IFNL2: variants seen among roughly 807,000 people sequenced by gnomAD.
The protein encoded by IFNL2 is interferon lambda-2.
A neutral mutation model predicts 18.7 loss-of-function variants in IFNL2; 17 were observed. The ratio of observed to expected loss-of-function variants is 0.91; its 90% CI spans 0.62 to 1.36. IFNL2 has a LOEUF of 1.36. Ranked by LOEUF, IFNL2 falls within the 40% of genes most tolerant of loss-of-function variation. The pLI, the probability that IFNL2 is intolerant of heterozygous loss-of-function variation, is 0.00. For missense variants in IFNL2, 225 were observed against 257.3 expected (o/e 0.87, Z 0.86); for synonymous variants, 96 against 113.4 (o/e 0.85, Z 0.98).
In IFNL2 at chr19:39,269,808, A is replaced by G. The variant is rs1600466823; in HGVS notation, c.491A>G (p.Glu164Gly). The change falls in exon 5 of 6, where the codon GAG (glutamate) becomes GGG (glycine). Residue 164 changes from glutamate (E) to glycine (G), a missense_variant. By Grantham distance (98) the Glu-to-Gly change is moderately conservative. Coordinates refer to ENST00000331982, the MANE Select transcript of IFNL2 (RefSeq NM_172138.2). ...RLHHWLYRLQ[E>G]APKKESPGCL... is the part of the protein sequence containing the mutation. ...CACCATTGGCTGTACCGGCTCCAGG[A>G]GGCCCCAAAAAAGGTGAGTGACCCG... 6.2e-7 allele frequency: 1 copy of G among 1,608,574 alleles called. No individual in the cohort carries two copies. Among genetic ancestry groups the G allele is most frequent in the African/African-American group, 1.3e-5 (1 of 74,796 alleles).
rs1389267585 is a variant in IFNL2, at chr19:39,269,952, A to G, written c.542A>G (p.Asn181Ser). The G allele has an allele frequency of 4.4e-6, 7 of 1,603,602 alleles. No individual in the cohort carries two copies. The highest frequency in any genetic ancestry group is 5.1e-6 in the Non-Finnish European group (6 of 1,175,042). Reference protein sequence around the residue: ...PGCLEASVTFNLFRLLTRDLN... With the variant: ...PGCLEASVTFSLFRLLTRDLN... ...TGCCTCGAGGCCTCTGTCACCTTCA[A>G]CCTCTTCCGCCTCCTCACGCGAGAC... Residue 181 changes from asparagine (N) to serine (S), a missense_variant, in exon 6 of 6, where the codon AAC (asparagine) becomes AGC (serine). Transcript: ENST00000331982.
intron 4 of IFNL2, 23 bp downstream of exon 4, chr19:39,269,660 C>T (rs371511696): frequency 3.3e-5 from 53 of 1,612,782 alleles, no homozygotes; most frequent in Non-Finnish European, 4.2e-5. Context: ...GGCCTGGGCA[C>T]CCAGGTCTGT....
At position 39,269,762 on chromosome 19, in the gene IFNL2, C is replaced by T. The variant is rs754826341; in HGVS notation, c.445C>T (p.Pro149Ser). 22 of 1,609,254 alleles carry T rather than the reference C, an allele frequency of 1.4e-5. No individual in the cohort carries two copies. In the East Asian group the frequency reaches 4.5e-4, roughly 33 times the overall value. ...ACIQPQPTAG[P>S]RTRGRLHHWL... ...GATCCAGCCTCAGCCCACGGCAGGG[C>T]CCAGGACCCGGGGCCGCCTCCACCA... Residue 149 changes from proline to serine, a missense_variant, in exon 5 of 6, where the codon CCC becomes TCC. Physicochemically the swap from Pro to Ser is moderately conservative, Grantham distance 74. Coordinates refer to ENST00000331982, the MANE Select transcript of IFNL2 (RefSeq NM_172138.2).
At position 39,270,048 on chromosome 19, in the gene IFNL2, T is replaced by A. The variant is rs527769982; in HGVS notation, c.*35T>A. On this transcript the variant is annotated 3_prime_UTR_variant, in exon 6 of 6. Transcript: ENST00000331982. ...CAGTCATGCAACCTGAGATTTTATTTATAAATTAGCCACTTGTCTTAATTT... is the reference window on the plus strand; with the variant it reads ...CAGTCATGCAACCTGAGATTTTATTAATAAATTAGCCACTTGTCTTAATTT... 3.9e-5 allele frequency: 60 copies of A among 1,553,194 alleles called. No homozygotes were observed. The highest frequency in any genetic ancestry group is 1.1e-5 in the Non-Finnish European group (13 of 1,147,060).
At position 39,269,234 on chromosome 19, in the gene IFNL2, GA is replaced by G. The variant is rs766039199; in HGVS notation, c.270+6del. Reference sequence around the variant, plus strand: ...TGGGACCTGAGGCAGCTGCAGGTGAGAGGGGGAGTCAGGCCCACCCCTGCTC... The same window carrying G: ...TGGGACCTGAGGCAGCTGCAGGTGAGGGGGGAGTCAGGCCCACCCCTGCTC... On this transcript the variant is annotated splice_donor_region_variant and intron_variant, in intron 3 of 5. Transcript: ENST00000331982. 3.7e-6 allele frequency: 6 copies of G among 1,608,186 alleles called. No individual in the cohort carries two copies. Among genetic ancestry groups the G allele is most frequent in the Non-Finnish European group, 5.1e-6 (6 of 1,177,554 alleles).
In IFNL2 at chr19:39,268,757, C is replaced by T. The variant is rs1442542171; in HGVS notation, c.91C>T (p.Leu31Phe). The change falls in exon 2 of 6, where the codon CTC (leucine) becomes TTC (phenylalanine). Residue 31 changes from leucine to phenylalanine, a missense_variant. By Grantham distance (22) the Leu-to-Phe change is conservative. Transcript: ENST00000331982. ...TVTGAVPVAR[L>F]HGALPDARGC... ...GACTGGAGCAGTTCCTGTCGCCAGG[C>T]TCCACGGGGCTCTCCCGGATGCAAG... 12 of 1,613,244 alleles carry T rather than the reference C, an allele frequency of 7.4e-6. No individual in the cohort carries two copies. Among genetic ancestry groups the T allele is most frequent in the Non-Finnish European group, 1.0e-5 (12 of 1,179,868 alleles).
Position 39,270,020 on chromosome 19 carries a change from C to A in IFNL2, c.*7C>A. 1 of 1,584,078 alleles carries A rather than the reference C, an allele frequency of 6.3e-7. No homozygotes were observed. The highest frequency in any genetic ancestry group is 2.3e-5 in the East Asian group (1 of 43,410). On this transcript the variant is annotated 3_prime_UTR_variant, in exon 6 of 6. Coordinates refer to ENST00000331982, the MANE Select transcript of IFNL2 (RefSeq NM_172138.2). ...TGGGGACCTGTGTGTCTGACCCTCC[C>A]ACCAGTCATGCAACCTGAGATTTTA...
At chr19:39,269,028 G>C (rs972987698) in intron 2 of IFNL2, 124 bp from the exon 3 acceptor site, 227 of 1,349,318 alleles carry the variant, frequency 1.7e-4, no homozygotes, top group Non-Finnish European at 2.0e-4. Flanking sequence ...TGTAGAAGAG[G>C]GTCCTCTACC....
chr19:39,268,794 T>A lies in IFNL2; in HGVS notation c.128T>A (p.Ile43Lys), dbSNP rs369387979. 9.0e-5 allele frequency: 146 copies of A among 1,613,774 alleles called. No individual in the cohort carries two copies. The highest frequency in any genetic ancestry group is 1.2e-4 in the Non-Finnish European group (138 of 1,179,852). The stretch of plus-strand genomic sequence containing the variant: ...CTCCCGGATGCAAGGGGCTGCCACA[T>A]AGCCCAGTTCAAGTCCCTGTCTCCA... ...GALPDARGCH[I>K]AQFKSLSPQE... is the part of the protein sequence containing the mutation. Residue 43 changes from isoleucine (I) to lysine (K), a missense_variant, in exon 2 of 6, where the codon ATA becomes AAA. Transcript: ENST00000331982.
In IFNL2 at chr19:39,270,085, G is replaced by T; in HGVS notation, c.*72G>T. The stretch of plus-strand genomic sequence containing the variant: ...ACTTGTCTTAATTTATTGCCACCCA[G>T]TCGCTATTTATGTATTTGTGTGTGT... On this transcript the variant is annotated 3_prime_UTR_variant, in exon 6 of 6. Coordinates refer to ENST00000331982, the MANE Select transcript of IFNL2 (RefSeq NM_172138.2). The T allele has an allele frequency of 6.7e-7, 1 of 1,492,056 alleles. No homozygotes were observed. The highest frequency in any genetic ancestry group is 9.1e-7 in the Non-Finnish European group (1 of 1,094,728). The allele number at this position is 1,492,056 out of a possible 1,614,324, so 92.4% of individuals were successfully genotyped here.
rs200081180 is a variant in IFNL2 at position 39,269,500 on chromosome 19, C to T, written c.283C>T (p.Pro95Ser). ...DLRQLQVRER[P>S]MALEAELALT... is the part of the protein sequence containing the mutation. ...CACCTCTCCTCAGGTGAGGGAGCGC[C>T]CCATGGCTTTGGAGGCTGAGCTGGC... The change falls in exon 4 of 6, where the codon CCC (proline) becomes TCC (serine). Residue 95 changes from proline to serine, a missense_variant. Physicochemically the swap from Pro to Ser is moderately conservative, Grantham distance 74. Coordinates refer to ENST00000331982, the MANE Select transcript of IFNL2 (RefSeq NM_172138.2). 1.2e-6 allele frequency: 2 copies of T among 1,614,214 alleles called. No individual in the cohort carries two copies. Among genetic ancestry groups the T allele is most frequent in the Non-Finnish European group, 1.7e-6 (2 of 1,180,046 alleles).
chr19:39,269,559 C>T lies in IFNL2; in HGVS notation c.342C>T (p.Asp114=), dbSNP rs1343921412. Residue 114 remains aspartate, a synonymous_variant, in exon 4 of 6, where the codon GAC becomes GAT. Coordinates refer to ENST00000331982, the MANE Select transcript of IFNL2 (RefSeq NM_172138.2). ...TGAAGGTTCTGGAGGCCACCGCTGACACTGACCCAGCCCTGGTGGACGTCT... is the reference window on the plus strand; with the variant it reads ...TGAAGGTTCTGGAGGCCACCGCTGATACTGACCCAGCCCTGGTGGACGTCT... ...LTLKVLEATA[D]TDPALVDVLD... is the part of the protein sequence containing the mutation. 4 of 1,614,112 alleles carry T rather than the reference C, an allele frequency of 2.5e-6. No individual in the cohort carries two copies. Among genetic ancestry groups the T allele is most frequent in the Admixed American group, 1.7e-5 (1 of 60,010 alleles).
At chr19:39,268,885 T>C (rs1379944994) in intron 2 of IFNL2, 27 bp downstream of exon 2, 4 of 1,597,502 alleles carry the variant, frequency 2.5e-6, no homozygotes, top group Non-Finnish European at 2.6e-6. Flanking sequence ...CCTCCTGCCA[T>C]GGACTAGCCT....
In IFNL2 at chr19:39,268,769, C is replaced by T. The variant is rs767990657; in HGVS notation, c.103C>T (p.Leu35Phe). Residue 35 changes from leucine to phenylalanine, a missense_variant, in exon 2 of 6, where the codon CTC becomes TTC. By Grantham distance (22) the Leu-to-Phe change is conservative. Transcript: ENST00000331982. Reference sequence around the variant, plus strand: ...TCCTGTCGCCAGGCTCCACGGGGCTCTCCCGGATGCAAGGGGCTGCCACAT... The same window carrying T: ...TCCTGTCGCCAGGCTCCACGGGGCTTTCCCGGATGCAAGGGGCTGCCACAT... ...AVPVARLHGA[L>F]PDARGCHIAQ... is the part of the protein sequence containing the mutation. 2 of 1,613,632 alleles carry T rather than the reference C, an allele frequency of 1.2e-6. No individual in the cohort carries two copies. Among genetic ancestry groups the T allele is most frequent in the South Asian group, 1.1e-5 (1 of 91,072 alleles).
chr19:39,269,056 C>T lies in IFNL2; in HGVS notation c.193-96C>T, dbSNP rs562612532. On this transcript the variant is annotated intron_variant, in intron 2 of 5. Coordinates refer to ENST00000331982, the MANE Select transcript of IFNL2 (RefSeq NM_172138.2). The stretch of plus-strand genomic sequence containing the variant: ...CCTCTACCATCCTCCCAGCAGTTAA[C>T]CTCCCCTATCCTGTTGTCAGCCATC... 1.1e-4 allele frequency: 154 copies of T among 1,438,022 alleles called. 1 individual carries two copies. In the South Asian group the frequency reaches 1.8e-3, roughly 17 times the overall value. 89.1% of individuals were successfully genotyped at this position (1,438,022 alleles called of 1,614,324 possible). A position where few individuals can be genotyped will look rare whatever the true frequency, so the allele number is the denominator to read the frequency against.
intron 3 of IFNL2, 77 bp from the exon 4 acceptor site, chr19:39,269,411 C>T: frequency 6.4e-7 from 1 of 1,566,930 alleles, no homozygotes; most frequent in Non-Finnish European, 8.7e-7. Flanking sequence ...GTCACCTTCA[C>T]TTGTTCCTCT....
In IFNL2 at chr19:39,269,657, G is replaced by T; in HGVS notation, c.420+20G>T. 1 of 1,613,068 alleles carries T rather than the reference G, an allele frequency of 6.2e-7. No homozygotes were observed. Among genetic ancestry groups the T allele is most frequent in the Non-Finnish European group, 8.5e-7 (1 of 1,179,264 alleles). On this transcript the variant is annotated intron_variant, in intron 4 of 5. Transcript: ENST00000331982. ...GCCTGTGTGAGTCGTTGGGGCCTGG[G>T]CACCCAGGTCTGTGAGCTCTGAGCA...
At chr19:39,269,349 C>A in intron 3 of IFNL2, 120 bp downstream of exon 3, 3 of 1,478,870 alleles carry the variant, frequency 2.0e-6, no homozygotes, top group Non-Finnish European at 1.8e-6. Flanking sequence ...CCTGCTCTCC[C>A]TTCCCTCCGC....
rs569194521 is a variant in IFNL2, at chr19:39,269,358, G to A, written c.270+129G>A. 62 of 1,484,300 alleles carry A rather than the reference G, an allele frequency of 4.2e-5. No individual in the cohort carries two copies. The East Asian group carries it at 5.4e-4, about 13-fold the overall frequency. The allele number at this position is 1,484,300 out of a possible 1,614,324, so 91.9% of individuals were successfully genotyped here. ...CTCACACCTGCTCTCCCTTCCCTCC[G>A]CTCCCACCTGACCACACTGGCTGTG... On this transcript the variant is annotated intron_variant, in intron 3 of 5. Coordinates refer to ENST00000331982, the MANE Select transcript of IFNL2 (RefSeq NM_172138.2).
Sources: allele counts gnomAD v4.1 joint callset, GRCh38; gene constraint gnomAD v4.1.1; transcripts MANE v1.5; gene names NCBI Gene and HGNC (gene_info 2026-07-23, HGNC 2026-07-21).